Variants in THSD7B observed in about 807,000 individuals in gnomAD.
The protein encoded by THSD7B is thrombospondin type-1 domain-containing protein 7B.
A neutral mutation model predicts 213.6 loss-of-function variants in THSD7B; 138 were observed. The observed-to-expected ratio is 0.65, with a 90% CI of 0.56 to 0.74. The LOEUF (loss-of-function observed/expected upper bound fraction) is 0.74. Among genes scored for constraint, THSD7B ranks in the 30% least tolerant of loss-of-function variants. The pLI, the probability that THSD7B is intolerant of heterozygous loss-of-function variation, is 0.00. For missense variants in THSD7B, 1,931 were observed against 1,991.5 expected (o/e 0.97, Z 0.58); for synonymous variants, 742 against 687.0 (o/e 1.08, Z -1.25).
At chr2:137,664,317 A>G (rs1376404960) in intron 26 of THSD7B, among the ~76,000 whole-genome samples, 2 of 152,222 alleles carry the variant, frequency 1.3e-5, no homozygotes, top group African/African-American at 4.8e-5. Context: ...AAAGGTAAAG[A>G]GTATCAGTTT....
At chr2:136,818,816 A>G (rs1366382544) in intron 1 of THSD7B, among the ~76,000 whole-genome samples, 1 of 152,112 alleles carries the variant, frequency 6.6e-6, no homozygotes, top group East Asian at 1.9e-4. Context: ...GCTTTCAAGT[A>G]AGTTGATTTT....
At chr2:137,199,926 G>C (rs935270957) in intron 7 of THSD7B, among the ~76,000 whole-genome samples, 1 of 152,110 alleles carries the variant, frequency 6.6e-6, no homozygotes, top group Non-Finnish European at 1.5e-5. Context: ...AACAATGCTG[G>C]TGGCCAAATA....
intron 7 of THSD7B, among the ~76,000 whole-genome samples, chr2:137,202,812 C>T (rs1461412358): frequency 6.6e-6 from 1 of 152,054 alleles, no homozygotes; most frequent in African/African-American, 2.4e-5. Flanking sequence ...ATCTCAACTT[C>T]CAGATTTCTA....
At chr2:137,650,215 T>C (rs1242064631) in intron 21 of THSD7B, among the ~76,000 whole-genome samples, 1 of 152,238 alleles carries the variant, frequency 6.6e-6, no homozygotes, top group Non-Finnish European at 1.5e-5. Flanking sequence ...TCCATGTGCA[T>C]AGAATATCTT....
chr2:137,046,424 C>T (rs1017091964), intron 2 of THSD7B, among the ~76,000 whole-genome samples: 6 of 151,954 alleles, frequency 3.9e-5, no homozygotes, highest in East Asian at 1.9e-4. Context: ...GCAGGCAGTG[C>T]GTCTAATTTG....
rs749285430 is a variant in THSD7B, at chr2:137,170,906, G to A, written c.1691G>A (p.Arg564His). The change falls in exon 7 of 28, where the codon CGT becomes CAT. Residue 564 changes from arginine (R) to histidine (H), a missense_variant. By Grantham distance (29) the Arg-to-His change is conservative. Transcript: ENST00000409968. ...CATGGAAAATGTGGCCTGGGACATCGTATTCTGAAGGCCGTCTGCCAGAAT... is the reference window on the plus strand; with the variant it reads ...CATGGAAAATGTGGCCTGGGACATCATATTCTGAAGGCCGTCTGCCAGAAT... ...PDHGKCGLGH[R>H]ILKAVCQNDR... 3.5e-5 allele frequency: 57 copies of A among 1,612,864 alleles called. No homozygotes were observed. The highest frequency in any genetic ancestry group is 3.6e-5 in the Non-Finnish European group (43 of 1,179,720).
intron 4 of THSD7B, among the ~76,000 whole-genome samples, chr2:137,095,892 G>A (rs561498717): frequency 6.6e-6 from 1 of 152,100 alleles, no homozygotes; most frequent in East Asian, 1.9e-4. Flanking sequence ...TATAGAGATG[G>A]GGTCTCACTG....
intron 15 of THSD7B, among the ~76,000 whole-genome samples, chr2:137,453,582 G>T (rs959049571): frequency 6.6e-6 from 1 of 151,972 alleles, no homozygotes; most frequent in African/African-American, 2.4e-5. Context: ...GCCCGCCTCG[G>T]CCTCCCAAAG....
intron 12 of THSD7B, among the ~76,000 whole-genome samples, chr2:137,403,475 T>G (rs149169639): frequency 6.6e-6 from 1 of 152,328 alleles, no homozygotes; most frequent in African/African-American, 2.4e-5. Context: ...GGTCTTTTTG[T>G]TCCTTTCACA....
rs555843497 is a variant in THSD7B at position 137,364,538 on chromosome 2, C to T, written c.2501-41075C>T. Among the ~76,000 whole-genome samples, 3 of 152,312 alleles carry T rather than the reference C, an allele frequency of 2.0e-5. No individual in the cohort carries two copies. The South Asian group carries it at 6.2e-4, about 32-fold the overall frequency. On this transcript the variant is annotated intron_variant, in intron 12 of 27. Coordinates refer to ENST00000409968, the MANE Select transcript of THSD7B (RefSeq NM_001316349.2). ...ATCTCCTTAAGCTGATAAGCAAGTT[C>T]AGCAAAGTCTCAGGATATAAAATCA...
intron 2 of THSD7B, among the ~76,000 whole-genome samples, chr2:136,965,115 A>C (rs1471433343): frequency 6.6e-6 from 1 of 151,962 alleles, no homozygotes; most frequent in East Asian, 1.9e-4. Flanking sequence ...TGCTTATTTG[A>C]AATTGCTGTT....
chr2:137,624,730 A>G (rs949263812), intron 20 of THSD7B, among the ~76,000 whole-genome samples: 11 of 152,238 alleles, frequency 7.2e-5, no homozygotes, highest in African/African-American at 2.4e-4. Flanking sequence ...AAAAATGCTC[A>G]TCATCACTGG....
At chr2:137,216,416 A>G (rs1681244465) in intron 7 of THSD7B, among the ~76,000 whole-genome samples, 1 of 151,948 alleles carries the variant, frequency 6.6e-6, no homozygotes, top group Admixed American at 6.6e-5. Flanking sequence ...CTCTTCTTCC[A>G]TCTCTTCATC....
chr2:137,310,909 C>G (rs1240782792), intron 12 of THSD7B, among the ~76,000 whole-genome samples: 2 of 151,938 alleles, frequency 1.3e-5, no homozygotes, highest in Non-Finnish European at 2.9e-5. Flanking sequence ...TTACTGTAGC[C>G]TTGTAGTATA....
At chr2:137,250,589 A>C (rs899054846) in intron 10 of THSD7B, among the ~76,000 whole-genome samples, 1 of 152,212 alleles carries the variant, frequency 6.6e-6, no homozygotes, top group Non-Finnish European at 1.5e-5. Flanking sequence ...ACCACTTAAC[A>C]ACAAATATTT....
intron 2 of THSD7B, among the ~76,000 whole-genome samples, chr2:136,935,952 T>G (rs1055819769): frequency 4.7e-5 from 7 of 147,946 alleles, no homozygotes; most frequent in Non-Finnish European, 7.4e-5. Flanking sequence ...AATTATATAT[T>G]CTAGAGAATA....
chr2:137,148,357 G>A (rs1269317628), intron 5 of THSD7B, among the ~76,000 whole-genome samples: 2 of 152,086 alleles, frequency 1.3e-5, no homozygotes, highest in African/African-American at 2.4e-5. Flanking sequence ...ATAGCAGCAT[G>A]AGAATGGACT....
At chr2:136,852,931 C>T (rs1488640291) in intron 1 of THSD7B, among the ~76,000 whole-genome samples, 1 of 152,078 alleles carries the variant, frequency 6.6e-6, no homozygotes, top group Non-Finnish European at 1.5e-5. Context: ...TGCTTCAAAT[C>T]TACAGAAAGG....
intron 12 of THSD7B, among the ~76,000 whole-genome samples, chr2:137,373,710 C>T (rs12992595): frequency 0.56 from 85,851 of 151,996 alleles, 27,390 homozygotes; most frequent in East Asian, 0.78. Flanking sequence ...TAATTAGATT[C>T]GATTTGTCAA....
Sources: allele counts gnomAD v4.1 joint callset (sites outside exome capture counted in the v4.1 genomes callset), GRCh38; gene constraint gnomAD v4.1.1; transcripts MANE v1.5; gene names NCBI Gene and HGNC (gene_info 2026-07-23, HGNC 2026-07-21).